Variants in NLK observed in about 807,000 individuals in gnomAD.
NLK encodes the protein serine/threonine-protein kinase NLK.
NLK carries 11 observed loss-of-function variants against 59.0 expected under a neutral mutation model. That is an observed-to-expected ratio of 0.19 (90% CI 0.12 to 0.31). The LOEUF (loss-of-function observed/expected upper bound fraction) is 0.31. Among genes scored for constraint, NLK ranks in the 10% least tolerant of loss-of-function variants. The pLI, the probability that NLK is intolerant of heterozygous loss-of-function variation, is 1.00. For synonymous variants in NLK, 235 were observed against 235.9 expected (o/e 1.00, Z 0.03); for missense variants, 410 against 661.1 (o/e 0.62, Z 4.16).
intron 1 of NLK, among the ~76,000 whole-genome samples, chr17:28,068,120 C>A: frequency 6.8e-6 from 1 of 146,116 alleles, no homozygotes; most frequent in Admixed American, 6.9e-5. Flanking sequence ...CAGCCTGGGC[C>A]ACAGAGCGAG....
chr17:28,098,768 C>G (rs141835390), intron 1 of NLK, among the ~76,000 whole-genome samples: 1 of 150,682 alleles, frequency 6.6e-6, no homozygotes, highest in Non-Finnish European at 1.5e-5. Flanking sequence ...CCACACCCTC[C>G]GCCTCCCGGG....
At chr17:28,134,238 A>G (rs1906641291) in intron 3 of NLK, among the ~76,000 whole-genome samples, 2 of 152,152 alleles carry the variant, frequency 1.3e-5, no homozygotes, top group South Asian at 4.2e-4. Flanking sequence ...TCTCTACCAA[A>G]AATACAAAAA....
At chr17:28,049,334 T>G (rs1488879058) in intron 1 of NLK, among the ~76,000 whole-genome samples, 4 of 152,202 alleles carry the variant, frequency 2.6e-5, no homozygotes, top group African/African-American at 9.7e-5. Flanking sequence ...TTGAAATAAT[T>G]TGGCTAATTG....
chr17:28,097,083 AC>A lies in NLK; in HGVS notation c.459-25519del, dbSNP rs1211793307. Among the ~76,000 whole-genome samples, 17 of 152,270 alleles carry A rather than the reference AC, an allele frequency of 1.1e-4. No individual in the cohort carries two copies. In the East Asian group the frequency reaches 3.1e-3, roughly 28 times the overall value. ...TTTTATTCTTTTTCCATCTAATGAA[AC>A]TTTGCTTGAGCCATTTGCTTATATT... On this transcript the variant is annotated intron_variant, in intron 1 of 10. Coordinates refer to ENST00000407008, the MANE Select transcript of NLK (RefSeq NM_016231.5).
intron 1 of NLK, among the ~76,000 whole-genome samples, chr17:28,059,806 A>T (rs891550758): frequency 6.6e-6 from 1 of 152,222 alleles, no homozygotes; most frequent in Admixed American, 6.5e-5. Flanking sequence ...GCCAATTTCA[A>T]ACCACTAATG....
At chr17:28,138,753 A>ATAAGCATCAACTG (rs1324832690) in intron 3 of NLK, among the ~76,000 whole-genome samples, 7 of 152,376 alleles carry the variant, frequency 4.6e-5, no homozygotes, top group Non-Finnish European at 8.8e-5. Context: ...TTGCATAAAC[A>ATAAGCATCAACTG]TAAGCATCAA....
Position 28,098,058 on chromosome 17 carries a change from A to G in NLK, c.459-24545A>G, listed in dbSNP as rs113645817. Among the ~76,000 whole-genome samples, 999 of 152,330 alleles carry G rather than the reference A, an allele frequency of 6.6e-3. 16 individuals are homozygous for G. The highest frequency in any genetic ancestry group is 0.022 in the African/African-American group (930 of 41,576). Reference sequence around the variant, plus strand: ...ATTAATCTTCCTTAGAACTACAAATAACCAGATCCAGCACTGTGCCCTTTT... The same window carrying G: ...ATTAATCTTCCTTAGAACTACAAATGACCAGATCCAGCACTGTGCCCTTTT... On this transcript the variant is annotated intron_variant, in intron 1 of 10. Transcript: ENST00000407008.
At position 28,042,736 on chromosome 17, in the gene NLK, C is replaced by CT. The variant is rs1291552465; in HGVS notation, c.-137dup. The CT allele has an allele frequency of 9.0e-6, 7 of 780,716 alleles. No homozygotes were observed. The African/African-American group carries it at 1.1e-4, about 12-fold the overall frequency. The allele number at this position is 780,716 out of a possible 1,614,324, so 48.4% of individuals were successfully genotyped here. On this transcript the variant is annotated 5_prime_UTR_variant, in exon 1 of 11. Transcript: ENST00000407008. ...CCCCAAAATTAAACACCAAGATCCTCTAACTTGTTTGGATTGACTGATGAA... is the reference window on the plus strand; with the variant it reads ...CCCCAAAATTAAACACCAAGATCCTCTTAACTTGTTTGGATTGACTGATGAA...
chr17:28,084,625 G>A (rs1358077863), intron 1 of NLK, among the ~76,000 whole-genome samples: 5 of 151,728 alleles, frequency 3.3e-5, no homozygotes, highest in South Asian at 2.1e-4. Context: ...GTGCGGTGGC[G>A]CAATCTCGGC....
intron 7 of NLK, among the ~76,000 whole-genome samples, chr17:28,180,497 G>A (rs755680347): frequency 9.2e-5 from 14 of 152,210 alleles, no homozygotes; most frequent in Admixed American, 1.3e-4. Context: ...AGGCAGGGGT[G>A]TGTGTACTGG....
intron 3 of NLK, among the ~76,000 whole-genome samples, chr17:28,135,634 G>C (rs1222159672): frequency 6.6e-6 from 1 of 152,228 alleles, no homozygotes; most frequent in Non-Finnish European, 1.5e-5. Flanking sequence ...CAGGTCTGCT[G>C]AGTTAACCCT....
chr17:28,093,508 A>C (rs777621383), intron 1 of NLK, among the ~76,000 whole-genome samples: 7 of 152,220 alleles, frequency 4.6e-5, no homozygotes, highest in Non-Finnish European at 8.8e-5. Context: ...TGGTCATCAA[A>C]GGGTTCCTTG....
At chr17:28,185,530 CA>C (rs1909082457) in intron 8 of NLK, among the ~76,000 whole-genome samples, 1 of 152,094 alleles carries the variant, frequency 6.6e-6, no homozygotes, top group Non-Finnish European at 1.5e-5. Flanking sequence ...AGGAGTTTGA[CA>C]CCAAGTTAAG....
chr17:28,106,277 A>C (rs1240082483), intron 1 of NLK, among the ~76,000 whole-genome samples: 2 of 152,174 alleles, frequency 1.3e-5, no homozygotes, highest in African/African-American at 4.8e-5. Context: ...TATTTTTATG[A>C]ACACTATAGC....
intron 1 of NLK, among the ~76,000 whole-genome samples, chr17:28,062,323 T>C (rs1231246432): frequency 6.6e-6 from 1 of 152,156 alleles, no homozygotes; most frequent in Non-Finnish European, 1.5e-5. Context: ...TTTCCTATCA[T>C]TTGGTTCTCT....
rs1352796336 is a variant in NLK, at chr17:28,168,640, C to G, written c.1030C>G (p.Gln344Glu). Residue 344 changes from glutamine to glutamate, a missense_variant, in exon 6 of 11, where the codon CAG becomes GAG. Coordinates refer to ENST00000407008, the MANE Select transcript of NLK (RefSeq NM_016231.5). ...AGGACGAAGAATATTGTTTCAGGCA[C>G]AGAGTCCCATTCAGCAGGTATGATT... The part of the protein sequence containing the change: ...LLGRRILFQA[Q>E]SPIQQLDLIT... 3.7e-6 allele frequency: 6 copies of G among 1,613,382 alleles called. No homozygotes were observed. Among genetic ancestry groups the G allele is most frequent in the Non-Finnish European group, 5.1e-6 (6 of 1,179,358 alleles).
intron 1 of NLK, among the ~76,000 whole-genome samples, chr17:28,119,685 T>C (rs1225890581): frequency 6.6e-6 from 1 of 152,162 alleles, no homozygotes; most frequent in Admixed American, 6.5e-5. Context: ...AGTTAATGGA[T>C]CAAAGTTCAG....
intron 3 of NLK, among the ~76,000 whole-genome samples, chr17:28,134,508 C>CAG: frequency 6.6e-6 from 1 of 152,262 alleles, no homozygotes; most frequent in Middle Eastern, 3.4e-3. Context: ...TTAAAACATA[C>CAG]AGAGGATTGG....
At chr17:28,191,971 C>T in intron 9 of NLK, 149 bp from the exon 10 acceptor site, 1 of 528,952 alleles carries the variant, frequency 1.9e-6, no homozygotes, top group Non-Finnish European at 3.4e-6. Flanking sequence ...GGAAGTTCAG[C>T]TGAATTCTGC....
Sources: gnomAD v4.1 joint callset for allele counts (sites outside exome capture counted in the v4.1 genomes callset) on GRCh38, gnomAD v4.1.1 for gene constraint, MANE v1.5 for transcripts, NCBI Gene and HGNC (gene_info 2026-07-23, HGNC 2026-07-21) for gene names.